Variants in DARS2 observed in about 807,000 individuals in gnomAD.
The protein encoded by DARS2 is aspartate--tRNA ligase, mitochondrial.
In DARS2, 63 loss-of-function variants were observed where a neutral mutation model predicts 83.0. That is an observed-to-expected ratio of 0.76 (90% CI 0.62 to 0.94). The LOEUF is 0.94. Among genes scored for constraint, DARS2 ranks in the 40% least tolerant of loss-of-function variants. DARS2 has a pLI of 0.00. For missense variants in DARS2, 675 were observed against 774.4 expected (o/e 0.87, Z 1.52); for synonymous variants, 250 against 269.3 (o/e 0.93, Z 0.70).
At chr1:173,855,264 C>T (rs922115937) in intron 15 of DARS2, among the ~76,000 whole-genome samples, 2 of 151,990 alleles carry the variant, frequency 1.3e-5, no homozygotes, top group African/African-American at 2.4e-5. Context: ...CTAACACACC[C>T]GGCTATTTTG....
chr1:173,840,827 T>G lies in DARS2; in HGVS notation c.1021-39T>G, dbSNP rs1323710831. 3 of 1,113,672 alleles carry G rather than the reference T, an allele frequency of 2.7e-6. No homozygotes were observed. The East Asian group carries it at 7.1e-5, about 26-fold the overall frequency. The allele number at this position is 1,113,672 out of a possible 1,614,324, so 69.0% of individuals were successfully genotyped here. ...TAAAATGTTTTCAGATAAAAATTAC[T>G]TCATATTTAGTTATCTCTTTTTGTT... On this transcript the variant is annotated intron_variant, in intron 10 of 16. Coordinates refer to ENST00000649689, the MANE Select transcript of DARS2 (RefSeq NM_018122.5).
chr1:173,829,774 T>C (rs1652725934), intron 3 of DARS2, among the ~76,000 whole-genome samples: 1 of 152,044 alleles, frequency 6.6e-6, no homozygotes. Flanking sequence ...CCGGGTGTGG[T>C]GGCGGGCTCC....
chr1:173,840,239 C>G (rs1414919378), intron 10 of DARS2, among the ~76,000 whole-genome samples: 1 of 152,142 alleles, frequency 6.6e-6, no homozygotes, highest in Non-Finnish European at 1.5e-5. Context: ...AATAGTGGTT[C>G]TTTTTTTGTA....
At position 173,828,320 on chromosome 1, in the gene DARS2, C is replaced by CT. The variant is rs1652668925; in HGVS notation, c.228-13_228-12insT. ...ATCTTAAAATGTTTCTTTTCCCCCC[C>CT]CCCATTAATCAGGCAAAACACATTC... On this transcript the variant is annotated splice_polypyrimidine_tract_variant and intron_variant, in intron 2 of 16. Coordinates refer to ENST00000649689, the MANE Select transcript of DARS2 (RefSeq NM_018122.5). 5 of 1,362,124 alleles carry CT rather than the reference C, an allele frequency of 3.7e-6. No homozygotes were observed. The African/African-American group carries it at 4.2e-5, about 12-fold the overall frequency. 84.4% of individuals were successfully genotyped at this position (1,362,124 alleles called of 1,614,324 possible).
At chr1:173,850,849 C>G (rs994117131) in intron 13 of DARS2, among the ~76,000 whole-genome samples, 8 of 151,936 alleles carry the variant, frequency 5.3e-5, no homozygotes, top group African/African-American at 1.9e-4. Context: ...AGGCAGTCCA[C>G]CCGCCGCAGC....
intron 13 of DARS2, among the ~76,000 whole-genome samples, 191 bp downstream of exon 13, chr1:173,850,670 A>G (rs1653625599): frequency 1.3e-5 from 2 of 150,458 alleles, no homozygotes; most frequent in Admixed American, 1.3e-4. Context: ...CAGTGGTGCA[A>G]TCTTGGCTCA....
At chr1:173,843,831 G>A (rs1653321669) in intron 11 of DARS2, among the ~76,000 whole-genome samples, 1 of 152,216 alleles carries the variant, frequency 6.6e-6, no homozygotes, top group African/African-American at 2.4e-5. Flanking sequence ...GTGGGTGGGT[G>A]AGGCTTCAGA....
chr1:173,843,346 G>T (rs536148141), intron 11 of DARS2, among the ~76,000 whole-genome samples: 64 of 152,212 alleles, frequency 4.2e-4, no homozygotes, highest in Non-Finnish European at 2.9e-4. Flanking sequence ...GGATCACGAG[G>T]TCAGGAGTTC....
chr1:173,845,337 AT>A, intron 12 of DARS2, 46 bp downstream of exon 12: 1 of 1,236,198 alleles, frequency 8.1e-7, no homozygotes, highest in Non-Finnish European at 1.2e-6. Context: ...CAGATTCAAT[AT>A]TTTTAACTAT....
In DARS2 at chr1:173,838,795, G is replaced by A. The variant is rs1653102421; in HGVS notation, c.840+536G>A. 2.0e-5 allele frequency among the ~76,000 whole-genome samples: 3 copies of A among 151,968 alleles called. No individual in the cohort carries two copies. The South Asian group carries it at 6.2e-4, about 31-fold the overall frequency. ...CTGTCTCCCAGGCTGGAGTGCAGTGGCGCGGTCTCAGCTCATTGCTGCCTC... is the reference window on the plus strand; with the variant it reads ...CTGTCTCCCAGGCTGGAGTGCAGTGACGCGGTCTCAGCTCATTGCTGCCTC... On this transcript the variant is annotated intron_variant, in intron 9 of 16. Coordinates refer to ENST00000649689, the MANE Select transcript of DARS2 (RefSeq NM_018122.5).
chr1:173,838,370 C>G (rs950477021), intron 9 of DARS2, 111 bp downstream of exon 9: 4 of 790,616 alleles, frequency 5.1e-6, no homozygotes, highest in Admixed American at 4.3e-5. Context: ...TTTTATCCAT[C>G]AGATATTTAA....
intron 5 of DARS2, among the ~76,000 whole-genome samples, chr1:173,832,276 A>G (rs1176657207): frequency 6.6e-6 from 1 of 152,062 alleles, no homozygotes; most frequent in Non-Finnish European, 1.5e-5. Flanking sequence ...ACTTACGTTT[A>G]AGTTCATGGC....
chr1:173,835,619 AT>A (rs1207399382), intron 7 of DARS2, among the ~76,000 whole-genome samples: 2 of 149,458 alleles, frequency 1.3e-5, no homozygotes, highest in African/African-American at 4.9e-5. Flanking sequence ...AAAAATTGAC[AT>A]TTTTCGGCCA....
chr1:173,853,671 C>T (rs185575087), intron 14 of DARS2, 104 bp downstream of exon 14: 1 of 1,522,952 alleles, frequency 6.6e-7, no homozygotes, highest in Non-Finnish European at 9.1e-7. Flanking sequence ...CTGGAAGCCC[C>T]AGAAGAAATT....
intron 15 of DARS2, among the ~76,000 whole-genome samples, chr1:173,854,491 C>T (rs1653791037): frequency 6.6e-6 from 1 of 151,376 alleles, no homozygotes; most frequent in Admixed American, 6.6e-5. Context: ...TATTAAATAC[C>T]CTTATTATAA....
chr1:173,845,866 A>T (rs990137119), intron 12 of DARS2, among the ~76,000 whole-genome samples: 3 of 152,038 alleles, frequency 2.0e-5, no homozygotes, highest in South Asian at 2.1e-4. Flanking sequence ...TACTAAAAAT[A>T]AAAAAAATTG....
rs1469313982 is a variant in DARS2 at position 173,839,488 on chromosome 1, T to C, written c.962T>C (p.Phe321Ser). ...PVVVPFPTMT[F>S]AEVLATYGTD... is the part of the protein sequence containing the mutation. ...GTTGTTCCTTTTCCTACTATGACTT[T>C]TGCTGAGGTGCTGGCCACCTATGGA... Residue 321 changes from phenylalanine (F) to serine (S), a missense_variant, in exon 10 of 17, where the codon TTT becomes TCT. Coordinates refer to ENST00000649689, the MANE Select transcript of DARS2 (RefSeq NM_018122.5). 1 of 1,614,164 alleles carries C rather than the reference T, an allele frequency of 6.2e-7. No individual in the cohort carries two copies. The highest frequency in any genetic ancestry group is 2.2e-5 in the East Asian group (1 of 44,876).
At position 173,839,412 on chromosome 1, in the gene DARS2, T is replaced by C. The variant is rs754823745; in HGVS notation, c.886T>C (p.Leu296=). ...SFVDQTGIQS[L]IEGLLQYSWP... is the part of the protein sequence containing the mutation. ...TGTAGACCAGACTGGGATCCAGAGT[T>C]TAATTGAGGGTTTGCTCCAGTATTC... Residue 296 remains leucine, a synonymous_variant, in exon 10 of 17, where the codon TTA becomes CTA. Transcript: ENST00000649689. The C allele has an allele frequency of 1.2e-6, 2 of 1,614,140 alleles. No individual in the cohort carries two copies. The highest frequency in any genetic ancestry group is 1.7e-6 in the Non-Finnish European group (2 of 1,180,010).
At chr1:173,849,633 G>A (rs555499197) in intron 12 of DARS2, among the ~76,000 whole-genome samples, 104 of 152,084 alleles carry the variant, frequency 6.8e-4, no homozygotes, top group Non-Finnish European at 1.2e-3. Context: ...GGCACTCAAG[G>A]CTTAAGAGTC....
Sources: allele counts gnomAD v4.1 joint callset (sites outside exome capture counted in the v4.1 genomes callset), GRCh38; gene constraint gnomAD v4.1.1; transcripts MANE v1.5; gene names NCBI Gene and HGNC (gene_info 2026-07-23, HGNC 2026-07-21).